Variants in DOCK8 observed in about 807,000 individuals in gnomAD.
DOCK8 encodes the protein dedicator of cytokinesis 8.
A neutral mutation model predicts 245.6 loss-of-function variants in DOCK8; 141 were observed. The observed-to-expected ratio is 0.57, with a 90% CI of 0.50 to 0.66. The LOEUF (loss-of-function observed/expected upper bound fraction) is 0.66, where lower values mean the gene tolerates loss of function less well. DOCK8 is among the 30% of genes least tolerant of loss of function. DOCK8 has a pLI of 0.00. For synonymous variants in DOCK8, 1,168 were observed against 970.2 expected, an observed-to-expected ratio of 1.20 and a Z score of -3.79; for missense variants, 2,965 against 2,603.4, an observed-to-expected ratio of 1.14 and a Z score of -3.02.
chr9:231,661 T>C (rs2047120745), intron 1 of DOCK8, among the ~76,000 whole-genome samples: 1 of 152,166 alleles, frequency 6.6e-6, no homozygotes, highest in African/African-American at 2.4e-5. Flanking sequence ...TTTGAAGCAA[T>C]TGTGAATGGG....
At chr9:242,963 C>G (rs940421996) in intron 1 of DOCK8, among the ~76,000 whole-genome samples, 2 of 152,126 alleles carry the variant, frequency 1.3e-5, no homozygotes, top group African/African-American at 4.8e-5. Flanking sequence ...ATCTCTTCAT[C>G]GGAACTTGGA....
In DOCK8 at chr9:443,482, C is replaced by A. The variant is rs778681795; in HGVS notation, c.5546C>A (p.Thr1849Asn). Reference sequence around the variant, plus strand: ...TTTGTGGAAGTGATTAAAGACTCCACTCCTGTGGACAAAACCAAGTTGGAT... The same window carrying A: ...TTTGTGGAAGTGATTAAAGACTCCAATCCTGTGGACAAAACCAAGTTGGAT... ...AEFVEVIKDSTPVDKTKLDPN... is the reference protein window; with the variant it reads ...AEFVEVIKDSNPVDKTKLDPN... Residue 1849 changes from threonine to asparagine, a missense_variant, in exon 43 of 48, where the codon ACT becomes AAT. Thr to Asn is a moderately conservative substitution (Grantham distance 65, BLOSUM62 0). This residue lies in a region of DOCK8 where 2,825 missense variants were observed against 2,453.5 expected (regional missense o/e 1.15). Transcript: ENST00000432829. The A allele has an allele frequency of 6.2e-7, 1 of 1,614,102 alleles. No homozygotes were observed. Among genetic ancestry groups the A allele is most frequent in the Non-Finnish European group, 8.5e-7 (1 of 1,180,000 alleles).
chr9:329,220 G>T (rs532069266), intron 9 of DOCK8, among the ~76,000 whole-genome samples: 51 of 152,046 alleles, frequency 3.4e-4, no homozygotes, highest in Non-Finnish European at 6.9e-4. Flanking sequence ...CCAAAGTGTT[G>T]GGATTACAGG....
chr9:417,765 G>T (rs761751834), intron 29 of DOCK8, among the ~76,000 whole-genome samples: 2 of 152,094 alleles, frequency 1.3e-5, no homozygotes, highest in African/African-American at 4.8e-5. Flanking sequence ...TTAAAATAAT[G>T]CCAATTATTA....
At chr9:395,944 T>C (rs2131389343) in intron 24 of DOCK8, among the ~76,000 whole-genome samples, 1 of 152,308 alleles carries the variant, frequency 6.6e-6, no homozygotes, top group South Asian at 2.1e-4. Context: ...GTTGACGAAT[T>C]GTTTGCATTA....
At chr9:386,260 T>G in intron 22 of DOCK8, 71 bp from the exon 23 acceptor site, 1 of 1,313,672 alleles carries the variant, frequency 7.6e-7, no homozygotes, top group Non-Finnish European at 1.1e-6. Context: ...ATTCTGAGGT[T>G]GTGATTTCCA....
chr9:300,626 C>T (rs1019329124), intron 4 of DOCK8, among the ~76,000 whole-genome samples: 2 of 151,484 alleles, frequency 1.3e-5, no homozygotes, highest in African/African-American at 4.8e-5. Context: ...GAGAGAAGAT[C>T]GATCCAAATA....
intron 29 of DOCK8, 133 bp downstream of exon 29, chr9:415,084 A>T (rs1213277517): frequency 1.6e-6 from 2 of 1,264,572 alleles, no homozygotes; most frequent in African/African-American, 1.5e-5. Flanking sequence ...ATGGTCTCCA[A>T]ACCTCTTTAA....
chr9:418,456 C>T (rs1190572201), intron 30 of DOCK8, among the ~76,000 whole-genome samples: 13 of 151,936 alleles, frequency 8.6e-5, no homozygotes, highest in East Asian at 1.9e-4. Flanking sequence ...TTAGTAGAGA[C>T]GGGGTTTCGC....
At chr9:339,235 A>G (rs2051460115) in intron 13 of DOCK8, 136 bp downstream of exon 13, 3 of 796,250 alleles carry the variant, frequency 3.8e-6, no homozygotes, top group Non-Finnish European at 6.4e-6. Context: ...GGGGTTAAGA[A>G]TCTGAATTGT....
At chr9:456,443 G>T (rs1158149568) in intron 46 of DOCK8, 1 of 152,240 alleles carries the variant, frequency 6.6e-6, no homozygotes, top group Non-Finnish European at 1.5e-5. Context: ...TTGGGCTGTA[G>T]ATCGATAAGC....
At chr9:252,197 A>G (rs999754657) in intron 1 of DOCK8, among the ~76,000 whole-genome samples, 1 of 151,538 alleles carries the variant, frequency 6.6e-6, no homozygotes, top group Non-Finnish European at 1.5e-5. Context: ...TTGGTCTCGA[A>G]CTCCTGACCT....
chr9:434,349 A>G (rs965819003), intron 38 of DOCK8, among the ~76,000 whole-genome samples: 1 of 152,168 alleles, frequency 6.6e-6, no homozygotes, highest in Non-Finnish European at 1.5e-5. Context: ...ATCATTTTTT[A>G]CGCGTAGTTT....
intron 40 of DOCK8, among the ~76,000 whole-genome samples, chr9:440,578 A>G (rs951897436): frequency 1.3e-5 from 2 of 152,222 alleles, no homozygotes; most frequent in African/African-American, 4.8e-5. Context: ...CAAACTCAAC[A>G]AAATGAATTA....
In DOCK8 at chr9:463,759, A is replaced by G. The variant is rs886307659; in HGVS notation, c.6239+72A>G. 3 of 1,574,374 alleles carry G rather than the reference A, an allele frequency of 1.9e-6. No homozygotes were observed. The African/African-American group carries it at 4.0e-5, about 21-fold the overall frequency. Reference sequence around the variant, plus strand: ...CGCATGGGGCCTAGCACCTTGGGGCATGCTCTGCTGCACTTGGGGAGCTGC... The same window carrying G: ...CGCATGGGGCCTAGCACCTTGGGGCGTGCTCTGCTGCACTTGGGGAGCTGC... On this transcript the variant is annotated intron_variant, in intron 47 of 47. Coordinates refer to ENST00000432829, the MANE Select transcript of DOCK8 (RefSeq NM_203447.4).
intron 4 of DOCK8, among the ~76,000 whole-genome samples, chr9:297,191 A>G (rs1338820752): frequency 6.6e-6 from 1 of 152,166 alleles, no homozygotes; most frequent in Admixed American, 6.5e-5. Context: ...TTATTTTCTA[A>G]TCCTCACAAT....
chr9:316,435 C>G (rs1339488941), intron 6 of DOCK8, among the ~76,000 whole-genome samples: 1 of 152,170 alleles, frequency 6.6e-6, no homozygotes, highest in African/African-American at 2.4e-5. Context: ...AGGTAGAGCT[C>G]TTAATTTGTC....
chr9:451,527 A>G lies in DOCK8; in HGVS notation c.5962-484A>G, dbSNP rs183769214. ...AGTCTCAGCTACTTGGGAGGCTGACATGGGAGGATCACTTGAGCCTGGGAA... is the reference window on the plus strand; with the variant it reads ...AGTCTCAGCTACTTGGGAGGCTGACGTGGGAGGATCACTTGAGCCTGGGAA... On this transcript the variant is annotated intron_variant, in intron 45 of 47. Transcript: ENST00000432829. Among the ~76,000 whole-genome samples the G allele has an allele frequency of 3.9e-5, 6 of 151,938 alleles. No individual in the cohort carries two copies. In the East Asian group the frequency reaches 1.2e-3, roughly 30 times the overall value.
In DOCK8 at chr9:464,144, T is replaced by A; in HGVS notation, c.6240-15T>A. 6.2e-7 allele frequency: 1 copy of A among 1,608,726 alleles called. No individual in the cohort carries two copies. The highest frequency in any genetic ancestry group is 8.5e-7 in the Non-Finnish European group (1 of 1,175,058). On this transcript the variant is annotated splice_polypyrimidine_tract_variant and intron_variant, in intron 47 of 47. Coordinates refer to ENST00000432829, the MANE Select transcript of DOCK8 (RefSeq NM_203447.4). ...GCTCTCTTTCCCTCTCCTCCCTCTC[T>A]TTTCTTAATTTCAGGGACTCCTTCC...
Sources: gnomAD v4.1 joint callset for allele counts (sites outside exome capture counted in the v4.1 genomes callset) on GRCh38, gnomAD v4.1.1 for gene constraint, gnomAD v4.1.1 regional missense constraint, MANE v1.5 for transcripts, NCBI Gene and HGNC (gene_info 2026-07-23, HGNC 2026-07-21) for gene names.